The following HRH2 variants were observed in gnomAD, a reference collection of about 807,000 sequenced individuals.
HRH2 encodes histamine receptor H2.
HRH2 carries 4 observed loss-of-function variants against 20.1 expected under a neutral mutation model. The ratio of observed to expected loss-of-function variants is 0.20; its 90% CI spans 0.10 to 0.45. The LOEUF (loss-of-function observed/expected upper bound fraction) is 0.45, where lower values mean the gene tolerates loss of function less well. Among genes scored for constraint, HRH2 ranks in the 20% least tolerant of loss-of-function variants. The pLI is 0.99. For synonymous variants in HRH2, 197 were observed against 200.7 expected, an observed-to-expected ratio of 0.98 and a Z score of 0.16; for missense variants, 250 against 461.6, an observed-to-expected ratio of 0.54 and a Z score of 4.20.
chr5:175,664,260 T>C (rs1455389586), intron 1 of HRH2, among the ~76,000 whole-genome samples: 1 of 152,204 alleles, frequency 6.6e-6, no homozygotes, highest in Non-Finnish European at 1.5e-5. Flanking sequence ...CCAAAGCCTC[T>C]GTTAACATGA....
intron 1 of HRH2, among the ~76,000 whole-genome samples, chr5:175,667,763 C>T (rs1762951076): frequency 1.3e-5 from 2 of 152,048 alleles, no homozygotes; most frequent in Admixed American, 6.6e-5. Flanking sequence ...TTTAACCATT[C>T]TTCTAGTTTT....
At chr5:175,685,611 C>T (rs1450279543) in intron 2 of HRH2, 14 of 754,738 alleles carry the variant, frequency 1.9e-5, no homozygotes, top group Non-Finnish European at 2.7e-5. Flanking sequence ...CTGGTCTCAG[C>T]TCTGCCGTCA....
At chr5:175,694,776 A>G (rs1216018070) in intron 2 of HRH2, among the ~76,000 whole-genome samples, 1 of 152,044 alleles carries the variant, frequency 6.6e-6, no homozygotes, top group East Asian at 1.9e-4. Flanking sequence ...AGACCCCCCA[A>G]ACTCACCTTC....
chr5:175,698,653 G>A (rs1469657030), intron 2 of HRH2, among the ~76,000 whole-genome samples: 1 of 152,156 alleles, frequency 6.6e-6, no homozygotes, highest in Non-Finnish European at 1.5e-5. Context: ...TCCCGGTCAG[G>A]TCCGAGGCTA....
At chr5:175,666,656 C>T (rs555618839) in intron 1 of HRH2, among the ~76,000 whole-genome samples, 11 of 152,228 alleles carry the variant, frequency 7.2e-5, no homozygotes, top group African/African-American at 2.4e-4. Flanking sequence ...GGCTTGAACT[C>T]CTGGGCTCAA....
intron 1 of HRH2, among the ~76,000 whole-genome samples, chr5:175,672,760 T>C (rs144129098): frequency 1.4e-4 from 21 of 151,994 alleles, no homozygotes; most frequent in African/African-American, 3.4e-4. Context: ...AGTGAACCAA[T>C]AGAGAAACAC....
intron 2 of HRH2, among the ~76,000 whole-genome samples, chr5:175,699,915 G>A (rs900329481): frequency 1.3e-5 from 2 of 152,210 alleles, no homozygotes; most frequent in African/African-American, 4.8e-5. Flanking sequence ...AGGAGAAAGA[G>A]AAGGAGGATT....
Position 175,693,878 on chromosome 5 carries a change from G to C in HRH2, c.1076+9569G>C, listed in dbSNP as rs575829032. Among the ~76,000 whole-genome samples the C allele has an allele frequency of 6.6e-6, 1 of 152,074 alleles. No individual in the cohort carries two copies. The highest frequency in any genetic ancestry group is 1.5e-5 in the Non-Finnish European group (1 of 68,016). On this transcript the variant is annotated intron_variant, in intron 2 of 2. Coordinates refer to ENST00000636584, the MANE Select transcript of HRH2 (RefSeq NM_001367711.1). This position sits in a 1 kb window ranked among gnomAD's most constrained non-coding sequence, Gnocchi z 4.4. Reference sequence around the variant, plus strand: ...TTTTGTGGCTGCTGAGTTTCCTGCCGTCTCCCCCATTCACTCATCCCTTAC... The same window carrying C: ...TTTTGTGGCTGCTGAGTTTCCTGCCCTCTCCCCCATTCACTCATCCCTTAC...
chr5:175,676,492 C>CG (rs1353582026), intron 1 of HRH2, among the ~76,000 whole-genome samples: 1 of 152,198 alleles, frequency 6.6e-6, no homozygotes, highest in Non-Finnish European at 1.5e-5. Flanking sequence ...TCCTGTGTAT[C>CG]CCCAGCCCCT....
intron 1 of HRH2, among the ~76,000 whole-genome samples, chr5:175,661,895 G>A (rs571210828): frequency 7.2e-5 from 11 of 152,226 alleles, no homozygotes; most frequent in Admixed American, 3.3e-4. Flanking sequence ...GATGGCAGGC[G>A]CCTGTAGTCC....
chr5:175,691,345 A>G (rs551284718), intron 2 of HRH2: 225 of 152,434 alleles, frequency 1.5e-3, no homozygotes, highest in Non-Finnish European at 2.5e-3. Context: ...GTGGCCCCCC[A>G]GGAGTCATTG....
intron 1 of HRH2, among the ~76,000 whole-genome samples, chr5:175,680,827 G>A (rs1368589061): frequency 3.3e-5 from 5 of 152,114 alleles, no homozygotes; most frequent in African/African-American, 1.2e-4. Flanking sequence ...AAAACTCTAC[G>A]AAGAAAGGAC....
chr5:175,688,969 G>A (rs13165647), intron 2 of HRH2, among the ~76,000 whole-genome samples: 6,741 of 152,224 alleles, frequency 0.044, 230 homozygotes, highest in Middle Eastern at 0.085. Context: ...CCTTCCTCAT[G>A]CCTGCACAGT....
intron 2 of HRH2, among the ~76,000 whole-genome samples, chr5:175,690,897 G>A (rs908690407): frequency 2.6e-5 from 4 of 152,294 alleles, no homozygotes; most frequent in Admixed American, 2.0e-4. Flanking sequence ...ACATTGCCAC[G>A]GTGCTATCTT....
At chr5:175,658,460 A>G (rs1762633168) in intron 1 of HRH2, among the ~76,000 whole-genome samples, 1 of 152,088 alleles carries the variant, frequency 6.6e-6, no homozygotes. Context: ...AGTGCTCGGG[A>G]CGCGGGTCGG....
intron 1 of HRH2, among the ~76,000 whole-genome samples, chr5:175,672,576 A>G (rs1398576166): frequency 6.6e-6 from 1 of 152,236 alleles, no homozygotes; most frequent in African/African-American, 2.4e-5. Flanking sequence ...ACACTTTCAA[A>G]GTACCCAATA....
At chr5:175,705,691 C>A (rs988817220) in intron 2 of HRH2, among the ~76,000 whole-genome samples, 1 of 150,830 alleles carries the variant, frequency 6.6e-6, no homozygotes, top group African/African-American at 2.4e-5. Context: ...GAGACAGGGT[C>A]TCACTTTGTC....
intron 2 of HRH2, among the ~76,000 whole-genome samples, chr5:175,706,917 GT>G (rs1756959404): frequency 6.6e-6 from 1 of 152,158 alleles, no homozygotes; most frequent in South Asian, 2.1e-4. Flanking sequence ...GATTCCCTTG[GT>G]GGCCGAGGTG....
intron 2 of HRH2, among the ~76,000 whole-genome samples, chr5:175,691,753 T>G (rs969953647): frequency 6.6e-6 from 1 of 151,764 alleles, no homozygotes; most frequent in Non-Finnish European, 1.5e-5. Context: ...CGTGGTGGCA[T>G]GTGCCTGTAA....
Sources: gnomAD v4.1 joint callset for allele counts (sites outside exome capture counted in the v4.1 genomes callset) on GRCh38, gnomAD v4.1.1 for gene constraint, Gnocchi (gnomAD v3.1) non-coding constraint, MANE v1.5 for transcripts, NCBI Gene and HGNC (gene_info 2026-07-23, HGNC 2026-07-21) for gene names.